Variants in SNAP91 observed in about 807,000 individuals in gnomAD.
The protein encoded by SNAP91 is clathrin coat assembly protein AP180.
A neutral mutation model predicts 100.3 loss-of-function variants in SNAP91; 27 were observed. The observed-to-expected ratio is 0.27, with a 90% confidence interval of 0.20 to 0.37. The LOEUF is 0.37. Ranked by LOEUF, SNAP91 falls within the 10% of genes least tolerant of loss-of-function variation. The probability of loss-of-function intolerance (pLI) is 1.00; values close to 1 mark genes in which losing one functional copy is unlikely to be tolerated. For synonymous variants in SNAP91, 404 were observed against 398.6 expected (o/e 1.01, Z -0.16); for missense variants, 986 against 1,123.7 (o/e 0.88, Z 1.75).
intron 2 of SNAP91, among the ~76,000 whole-genome samples, chr6:83,677,030 C>T (rs542957899): frequency 4.7e-4 from 72 of 152,156 alleles, no homozygotes; most frequent in Non-Finnish European, 9.0e-4. Flanking sequence ...CAAAATACCT[C>T]TTGTACACTC....
chr6:83,707,562 T>TGTGTG (rs2099397677), intron 2 of SNAP91, among the ~76,000 whole-genome samples: 1 of 151,608 alleles, frequency 6.6e-6, no homozygotes, highest in African/African-American at 2.4e-5. Context: ...TGTGTGTGTA[T>TGTGTG]TTTTCCCCCT....
At chr6:83,655,571 C>T (rs1253777089) in intron 7 of SNAP91, among the ~76,000 whole-genome samples, 2 of 152,142 alleles carry the variant, frequency 1.3e-5, no homozygotes, top group African/African-American at 4.8e-5. Context: ...TTACTTTTAC[C>T]TCAGTTTACC....
intron 8 of SNAP91, among the ~76,000 whole-genome samples, chr6:83,634,741 A>C (rs2097359797): frequency 6.6e-6 from 1 of 152,052 alleles, no homozygotes. Context: ...TTAGGTTATT[A>C]ATTTGAGATC....
rs1431973675 is a variant in SNAP91, at chr6:83,666,196, T to C, written c.131-615A>G. Among the ~76,000 whole-genome samples, 3 of 152,130 alleles carry C rather than the reference T, an allele frequency of 2.0e-5. No homozygotes were observed. The East Asian group carries it at 5.8e-4, about 29-fold the overall frequency. On this transcript the variant is annotated intron_variant, in intron 2 of 29. Coordinates refer to ENST00000369694, the MANE Select transcript of SNAP91 (RefSeq NM_001242792.2). ...GAGTTTGTAAGAGAGTAAACCTTTA[T>C]AATACATTCACTGTTCACATCTATT... is the stretch of plus-strand genomic sequence containing the variant.
chr6:83,697,186 G>A (rs2099226505), intron 2 of SNAP91, among the ~76,000 whole-genome samples: 1 of 151,940 alleles, frequency 6.6e-6, no homozygotes, highest in Non-Finnish European at 1.5e-5. Context: ...AGTGAATATT[G>A]AAAGTGTGTA....
intron 8 of SNAP91, among the ~76,000 whole-genome samples, chr6:83,629,708 T>A (rs1393461330): frequency 2.0e-5 from 3 of 152,134 alleles, no homozygotes; most frequent in Admixed American, 1.3e-4. Context: ...TAATTTTGTA[T>A]CCAGAAAATT....
chr6:83,600,289 G>C (rs1043358925), intron 16 of SNAP91, among the ~76,000 whole-genome samples: 2 of 152,214 alleles, frequency 1.3e-5, no homozygotes, highest in African/African-American at 4.8e-5. Flanking sequence ...ATGTAGCAGA[G>C]TGGTAGGTGA....
At chr6:83,580,688 G>T in intron 23 of SNAP91, 89 bp from the exon 24 acceptor site, 1 of 1,194,160 alleles carries the variant, frequency 8.4e-7, no homozygotes, top group Non-Finnish European at 1.1e-6. Flanking sequence ...TTGATACTAT[G>T]GAAACAAGTG....
intron 7 of SNAP91, among the ~76,000 whole-genome samples, chr6:83,654,544 G>A (rs953435367): frequency 6.6e-6 from 1 of 152,122 alleles, no homozygotes; most frequent in African/African-American, 2.4e-5. Context: ...GAGGCTTTAT[G>A]GGGATTAAGT....
At chr6:83,675,402 T>A (rs954850329) in intron 2 of SNAP91, among the ~76,000 whole-genome samples, 21 of 152,322 alleles carry the variant, frequency 1.4e-4, no homozygotes, top group Non-Finnish European at 2.5e-4. Context: ...TATACCTGAA[T>A]AAATACTTGT....
At chr6:83,702,317 CCTT>C (rs2099324183) in intron 2 of SNAP91, among the ~76,000 whole-genome samples, 1 of 152,036 alleles carries the variant, frequency 6.6e-6, no homozygotes, top group South Asian at 2.1e-4. Flanking sequence ...TCACTTCTGA[CCTT>C]CTTTACCAAG....
At chr6:83,560,229 G>C in intron 27 of SNAP91, 21 bp from the exon 28 acceptor site, 1 of 1,583,326 alleles carries the variant, frequency 6.3e-7, no homozygotes, top group Non-Finnish European at 8.7e-7. Flanking sequence ...AGAATGGAGA[G>C]TGGTTCAGAG....
chr6:83,705,408 A>C (rs558472450), intron 2 of SNAP91, among the ~76,000 whole-genome samples: 1 of 152,170 alleles, frequency 6.6e-6, no homozygotes. Context: ...TGGGTGTTTT[A>C]GAGATTAGAC....
intron 2 of SNAP91, among the ~76,000 whole-genome samples, chr6:83,679,080 C>A (rs1452244382): frequency 6.6e-6 from 1 of 151,438 alleles, no homozygotes; most frequent in Non-Finnish European, 1.5e-5. Flanking sequence ...TAAAAAAATA[C>A]AAATAGAAAA....
intron 23 of SNAP91, 29 bp from the exon 24 acceptor site, chr6:83,580,628 TA>T: frequency 6.4e-7 from 1 of 1,556,048 alleles, no homozygotes; most frequent in Non-Finnish European, 8.7e-7. Flanking sequence ...AGGTTCAGAA[TA>T]ATTGAAAACA....
intron 25 of SNAP91, chr6:83,575,476 A>G: frequency 3.7e-6 from 1 of 268,022 alleles, no homozygotes; most frequent in South Asian, 4.4e-5. Flanking sequence ...TGAATTTAAG[A>G]TGCACTGATG....
chr6:83,620,421 A>T (rs1333387219), intron 9 of SNAP91, among the ~76,000 whole-genome samples: 2 of 152,196 alleles, frequency 1.3e-5, no homozygotes, highest in East Asian at 3.9e-4. Flanking sequence ...GGTACTTCGG[A>T]CCCATCTGCA....
chr6:83,667,180 T>C (rs977059935), intron 2 of SNAP91, among the ~76,000 whole-genome samples: 1 of 152,050 alleles, frequency 6.6e-6, no homozygotes, highest in African/African-American at 2.4e-5. Context: ...TATAGACCAA[T>C]GCATTTAAAC....
chr6:83,610,725 AT>A, intron 11 of SNAP91, 48 bp from the exon 12 acceptor site: 1 of 196,118 alleles, frequency 5.1e-6, no homozygotes, highest in East Asian at 9.2e-5. Context: ...ATATATATAT[AT>A]ATATATATAT....
Sources: gnomAD v4.1 joint callset for allele counts (sites outside exome capture counted in the v4.1 genomes callset) on GRCh38, gnomAD v4.1.1 for gene constraint, MANE v1.5 for transcripts, NCBI Gene and HGNC (gene_info 2026-07-23, HGNC 2026-07-21) for gene names.